The following CA10 variants were observed in gnomAD, a reference collection of about 807,000 sequenced individuals.
CA10 encodes carbonic anhydrase 10 (inactive).
A neutral mutation model predicts 44.2 loss-of-function variants in CA10; 14 were observed. That is an observed-to-expected ratio of 0.32 (90% CI 0.21 to 0.50). The LOEUF (loss-of-function observed/expected upper bound fraction) is 0.50, where lower values mean the gene tolerates loss of function less well. Ranked by LOEUF, CA10 falls within the 20% of genes least tolerant of loss-of-function variation. The pLI is 0.99. For synonymous variants in CA10, 159 were observed against 141.6 expected (o/e 1.12, Z -0.87); for missense variants, 350 against 409.7 (o/e 0.85, Z 1.26).
At position 51,952,012 on chromosome 17, in the gene CA10, A is replaced by C. The variant is rs548114795; in HGVS notation, c.137-20880T>G. Among the ~76,000 whole-genome samples, 9 of 152,344 alleles carry C rather than the reference A, an allele frequency of 5.9e-5. No homozygotes were observed. In the South Asian group the frequency reaches 1.9e-3, roughly 32 times the overall value. On this transcript the variant is annotated intron_variant, in intron 2 of 8. Transcript: ENST00000451037. The stretch of plus-strand genomic sequence containing the variant: ...TGAGTTTCTTGAGCTGTAAATCAAA[A>C]CATTGTGATGTTCAAACAGTCTTTG...
rs538539164 is a variant in CA10 at position 51,745,684 on chromosome 17, G to T, written c.465+1949C>A. On this transcript the variant is annotated intron_variant, in intron 4 of 8. Transcript: ENST00000451037. ...CAAAGCACCCTTATCATATACTGAAGAAACAAGTGTCACTAAAGAATAATA... is the reference window on the plus strand; with the variant it reads ...CAAAGCACCCTTATCATATACTGAATAAACAAGTGTCACTAAAGAATAATA... 1.4e-4 allele frequency among the ~76,000 whole-genome samples: 21 copies of T among 152,288 alleles called. No individual in the cohort carries two copies. The East Asian group carries it at 3.7e-3, about 27-fold the overall frequency.
At chr17:52,120,965 A>G (rs1424181717) in intron 1 of CA10, among the ~76,000 whole-genome samples, 4 of 152,230 alleles carry the variant, frequency 2.6e-5, no homozygotes, top group Non-Finnish European at 4.4e-5. Flanking sequence ...AGAATCCTGT[A>G]TCATTACCTT....
intron 6 of CA10, among the ~76,000 whole-genome samples, chr17:51,636,677 C>T (rs1597953323): frequency 6.6e-6 from 1 of 152,074 alleles, no homozygotes; most frequent in African/African-American, 2.4e-5. Flanking sequence ...TGACCATTCT[C>T]ACTTAAAACA....
chr17:51,894,693 AGATTC>A (rs1980997083), intron 3 of CA10, among the ~76,000 whole-genome samples: 1 of 152,134 alleles, frequency 6.6e-6, no homozygotes, highest in Non-Finnish European at 1.5e-5. Flanking sequence ...AATCCATTTC[AGATTC>A]TGACCTCTAA....
chr17:51,905,340 G>C (rs1981500308), intron 3 of CA10, among the ~76,000 whole-genome samples: 1 of 152,030 alleles, frequency 6.6e-6, no homozygotes, highest in Admixed American at 6.6e-5. Flanking sequence ...AAGATTAATT[G>C]AGAAGTGATC....
At chr17:51,691,156 G>A (rs1052005946) in intron 4 of CA10, among the ~76,000 whole-genome samples, 5 of 152,206 alleles carry the variant, frequency 3.3e-5, no homozygotes, top group African/African-American at 4.8e-5. Context: ...TACTGTTTCC[G>A]TAATGGCTGT....
At chr17:51,944,850 A>G (rs1204098688) in intron 2 of CA10, among the ~76,000 whole-genome samples, 1 of 152,176 alleles carries the variant, frequency 6.6e-6, no homozygotes, top group East Asian at 1.9e-4. Flanking sequence ...TTTTAACACT[A>G]CAGAGAATTA....
At chr17:51,725,000 A>AAT (rs1916468781) in intron 4 of CA10, among the ~76,000 whole-genome samples, 1 of 152,218 alleles carries the variant, frequency 6.6e-6, no homozygotes, top group Admixed American at 6.5e-5. Context: ...CAGTCACCAT[A>AAT]TGCATTCCTT....
chr17:51,877,938 A>G (rs1980153105), intron 3 of CA10, among the ~76,000 whole-genome samples: 1 of 151,880 alleles, frequency 6.6e-6, no homozygotes, highest in Non-Finnish European at 1.5e-5. Context: ...AGGTCAGGAG[A>G]TTGAGACCAT....
intron 1 of CA10, among the ~76,000 whole-genome samples, chr17:52,126,695 C>T (rs535316538): frequency 2.6e-5 from 4 of 152,158 alleles, no homozygotes; most frequent in East Asian, 1.9e-4. Context: ...CTATGTAGCT[C>T]GTTTTTATTT....
chr17:52,067,474 C>T (rs181668889), intron 2 of CA10, among the ~76,000 whole-genome samples: 4 of 152,240 alleles, frequency 2.6e-5, no homozygotes, highest in African/African-American at 9.6e-5. Flanking sequence ...CATGGAGAAA[C>T]TCTGCTAGGG....
At chr17:51,820,469 CTCTT>C (rs560641557) in intron 3 of CA10, among the ~76,000 whole-genome samples, 198 of 128,330 alleles carry the variant, frequency 1.5e-3, no homozygotes, top group African/African-American at 5.3e-3. Context: ...AACCTGTTCT[CTCTT>C]TCTATCAGAT....
chr17:51,682,853 CG>C (rs1567801833), intron 4 of CA10, among the ~76,000 whole-genome samples: 2 of 152,112 alleles, frequency 1.3e-5, no homozygotes, highest in African/African-American at 4.8e-5. Context: ...GGCACAGTGG[CG>C]GGTGCTTGAT....
intron 4 of CA10, 112 bp from the exon 5 acceptor site, chr17:51,653,848 TG>T (rs891773606): frequency 1.8e-5 from 12 of 674,442 alleles, no homozygotes; most frequent in Non-Finnish European, 3.2e-5. Context: ...AGGAACAATT[TG>T]GAAGACAATT....
intron 3 of CA10, among the ~76,000 whole-genome samples, chr17:51,783,990 G>A (rs566384451): frequency 2.0e-5 from 3 of 152,272 alleles, no homozygotes; most frequent in Admixed American, 6.5e-5. Context: ...GCCTGCCAGG[G>A]AAGTGGAGTG....
At chr17:52,143,035 A>G (rs1277721317) in intron 1 of CA10, among the ~76,000 whole-genome samples, 1 of 152,198 alleles carries the variant, frequency 6.6e-6, no homozygotes, top group Non-Finnish European at 1.5e-5. Context: ...AAGATCTCCA[A>G]TACTATAATT....
chr17:51,905,617 G>T (rs867506638), intron 3 of CA10, among the ~76,000 whole-genome samples: 1 of 146,466 alleles, frequency 6.8e-6, no homozygotes, highest in Non-Finnish European at 1.5e-5. Context: ...ATAGCTGGTT[G>T]GACCTAGCTC....
chr17:52,109,673 C>G (rs1988748688), intron 1 of CA10, among the ~76,000 whole-genome samples: 1 of 152,158 alleles, frequency 6.6e-6, no homozygotes, highest in Non-Finnish European at 1.5e-5. Context: ...CACATTCAAT[C>G]CCATGAGCAA....
At chr17:51,925,367 T>C (rs1015356909) in intron 3 of CA10, among the ~76,000 whole-genome samples, 1 of 150,584 alleles carries the variant, frequency 6.6e-6, no homozygotes, top group African/African-American at 2.4e-5. Flanking sequence ...GAAATGTAAA[T>C]CAAAATCACA....
Sources: gnomAD v4.1 joint callset for allele counts (sites outside exome capture counted in the v4.1 genomes callset) on GRCh38, gnomAD v4.1.1 for gene constraint, MANE v1.5 for transcripts, NCBI Gene and HGNC (gene_info 2026-07-23, HGNC 2026-07-21) for gene names.